Variants in PTPRN2 observed in about 807,000 individuals in gnomAD.
The protein encoded by PTPRN2 is protein tyrosine phosphatase receptor type N2, also known as receptor-type tyrosine-protein phosphatase N2.
PTPRN2 carries 74 observed loss-of-function variants against 118.8 expected under a neutral mutation model. That is an observed-to-expected ratio of 0.62 (90% CI 0.52 to 0.76). The LOEUF is 0.76. Among genes scored for constraint, PTPRN2 ranks in the 30% least tolerant of loss-of-function variants. PTPRN2 has a pLI of 0.00. For missense variants in PTPRN2, 1,481 were observed against 1,394.4 expected (o/e 1.06, Z -0.99); for synonymous variants, 641 against 608.0 (o/e 1.05, Z -0.80).
At chr7:158,562,736 C>T (rs1298614310) in intron 1 of PTPRN2, among the ~76,000 whole-genome samples, 1 of 152,132 alleles carries the variant, frequency 6.6e-6, no homozygotes, top group Admixed American at 6.5e-5. Flanking sequence ...GGCGTGAAGG[C>T]AAAGCTCTTG....
intron 11 of PTPRN2, among the ~76,000 whole-genome samples, chr7:157,963,498 T>C (rs956204678): frequency 1.3e-5 from 2 of 152,278 alleles, no homozygotes; most frequent in African/African-American, 4.8e-5. Context: ...ATCACATAGA[T>C]ACGTGTTACA....
At chr7:158,519,560 T>A (rs1823831483) in intron 1 of PTPRN2, among the ~76,000 whole-genome samples, 1 of 152,016 alleles carries the variant, frequency 6.6e-6, no homozygotes, top group Admixed American at 6.6e-5. Flanking sequence ...TCTCCAGCAC[T>A]CTCTGGCATT....
chr7:158,499,783 GTA>G lies in PTPRN2; in HGVS notation c.113-10000_113-9999del, dbSNP rs1165449046. ...AAGACTCCATCTCAAATATATGTGT[GTA>G]TGTGTGTGTGTGTGTGTGTGTGTAT... is the stretch of plus-strand genomic sequence containing the variant. On this transcript the variant is annotated intron_variant, in intron 1 of 22. Transcript: ENST00000389418. 1.3e-3 allele frequency among the ~76,000 whole-genome samples: 202 copies of G among 149,660 alleles called. 3 individuals are homozygous for G. In the East Asian group the frequency reaches 0.032, roughly 24 times the overall value.
chr7:157,989,119 G>C (rs946580881), intron 11 of PTPRN2, among the ~76,000 whole-genome samples: 1 of 152,202 alleles, frequency 6.6e-6, no homozygotes, highest in Non-Finnish European at 1.5e-5. Context: ...AGGCTGAGTC[G>C]AAAGACCGTG....
intron 2 of PTPRN2, among the ~76,000 whole-genome samples, chr7:158,489,407 G>A (rs1316819379): frequency 6.6e-6 from 1 of 152,230 alleles, no homozygotes; most frequent in Admixed American, 6.5e-5. Context: ...AGATAGCCCC[G>A]CTGCCCTCCA....
At chr7:157,951,306 G>GT (rs886874198) in intron 11 of PTPRN2, among the ~76,000 whole-genome samples, 1 of 151,956 alleles carries the variant, frequency 6.6e-6, no homozygotes, top group East Asian at 1.9e-4. Flanking sequence ...AGATTATTTG[G>GT]TTAAAAAAAA....
rs1229041394 is a variant in PTPRN2, at chr7:157,787,704, G to C, written c.1789-104767C>G. 6.6e-6 allele frequency among the ~76,000 whole-genome samples: 1 copy of C among 152,196 alleles called. No individual in the cohort carries two copies. Among genetic ancestry groups the C allele is most frequent in the Non-Finnish European group, 1.5e-5 (1 of 68,032 alleles). On this transcript the variant is annotated intron_variant, in intron 12 of 22. Coordinates refer to ENST00000389418, the MANE Select transcript of PTPRN2 (RefSeq NM_002847.5). The surrounding 1 kb of genome is among the most constrained non-coding windows in gnomAD (Gnocchi z 5.3). ...CTGTGGGAGACGGGGTGGTGTTTGA[G>C]CTGGTGCCATCTGGGTCCCCTGGGG...
intron 1 of PTPRN2, among the ~76,000 whole-genome samples, chr7:158,530,803 C>T (rs1563402586): frequency 6.6e-6 from 1 of 152,178 alleles, no homozygotes; most frequent in Non-Finnish European, 1.5e-5. Flanking sequence ...CCCACTCCTT[C>T]CTGCTCCTGA....
At chr7:157,996,739 T>A (rs900775539) in intron 11 of PTPRN2, among the ~76,000 whole-genome samples, 1 of 152,202 alleles carries the variant, frequency 6.6e-6, no homozygotes, top group Non-Finnish European at 1.5e-5. Context: ...CTCCTGAAAA[T>A]AATCTGTGCT....
chr7:157,814,107 C>A (rs1278131026), intron 12 of PTPRN2, among the ~76,000 whole-genome samples: 1 of 152,244 alleles, frequency 6.6e-6, no homozygotes, highest in African/African-American at 2.4e-5. Flanking sequence ...GTGCACGGAG[C>A]CCCTGGGGGA....
intron 12 of PTPRN2, among the ~76,000 whole-genome samples, chr7:157,891,824 T>C (rs1413774044): frequency 6.6e-6 from 1 of 152,142 alleles, no homozygotes; most frequent in Non-Finnish European, 1.5e-5. Flanking sequence ...CCAGGGCTCC[T>C]TGAATAACCA....
At position 157,900,668 on chromosome 7, in the gene PTPRN2, C is replaced by T. The variant is rs571265723; in HGVS notation, c.1724-1931G>A. 7.2e-5 allele frequency among the ~76,000 whole-genome samples: 11 copies of T among 152,336 alleles called. 1 individual carries two copies. The highest frequency in any genetic ancestry group is 4.1e-4 in the South Asian group (2 of 4,830). On this transcript the variant is annotated intron_variant, in intron 11 of 22. Transcript: ENST00000389418. ...TCTGAGCTCCTCAGTCTGACGAAAA[C>T]GCAGTCCTCCTCCCAGGAAGCTCAG...
At chr7:157,700,381 C>T (rs759645023) in intron 12 of PTPRN2, among the ~76,000 whole-genome samples, 5 of 152,188 alleles carry the variant, frequency 3.3e-5, no homozygotes, top group Non-Finnish European at 7.3e-5. Context: ...TGTCCAAGCA[C>T]GTTCGCAACA....
chr7:158,332,769 C>T (rs1201504641), intron 2 of PTPRN2, among the ~76,000 whole-genome samples: 1 of 151,920 alleles, frequency 6.6e-6, no homozygotes, highest in Non-Finnish European at 1.5e-5. Flanking sequence ...ACACTCACAC[C>T]CATACTCTCA....
chr7:157,982,641 A>T (rs1413438639), intron 11 of PTPRN2, among the ~76,000 whole-genome samples: 2 of 139,192 alleles, frequency 1.4e-5, no homozygotes, highest in Non-Finnish European at 3.1e-5. Flanking sequence ...AGAGACGAGG[A>T]GGGGGATGCA....
chr7:158,171,314 T>TATATACATACATAC lies in PTPRN2; in HGVS notation c.550-4024_550-4023insGTATGTATGTATAT, dbSNP rs1563555744. On this transcript the variant is annotated intron_variant, in intron 5 of 22. Coordinates refer to ENST00000389418, the MANE Select transcript of PTPRN2 (RefSeq NM_002847.5). ...ACACACATATATATACACACATATA[T>TATATACATACATAC]ATATATATATATATATATATATATA... 5.3e-3 allele frequency among the ~76,000 whole-genome samples: 523 copies of TATATACATACATAC among 98,276 alleles called. 45 individuals carry two copies. The highest frequency in any genetic ancestry group is 8.6e-3 in the African/African-American group (188 of 21,920). 64.5% of individuals were successfully genotyped at this position (98,276 alleles called of 152,430 possible).
chr7:157,821,142 G>T (rs926612659), intron 12 of PTPRN2, among the ~76,000 whole-genome samples: 1 of 152,246 alleles, frequency 6.6e-6, no homozygotes, highest in Non-Finnish European at 1.5e-5. Context: ...ATGCCACTCG[G>T]GTGTACTTTG....
At chr7:157,809,151 C>T (rs755026471) in intron 12 of PTPRN2, among the ~76,000 whole-genome samples, 6 of 152,376 alleles carry the variant, frequency 3.9e-5, no homozygotes, top group East Asian at 1.9e-4. Context: ...AAGAAGGTTT[C>T]GAAAGCTGAG....
chr7:158,543,174 G>A (rs1826087866), intron 1 of PTPRN2, among the ~76,000 whole-genome samples: 1 of 152,218 alleles, frequency 6.6e-6, no homozygotes, highest in African/African-American at 2.4e-5. Flanking sequence ...CAAAACTGAG[G>A]CCCAAAGAAA....
Sources: allele counts gnomAD v4.1 joint callset (sites outside exome capture counted in the v4.1 genomes callset), GRCh38; gene constraint gnomAD v4.1.1; non-coding constraint Gnocchi (gnomAD v3.1); transcripts MANE v1.5; gene names NCBI Gene and HGNC (gene_info 2026-07-23, HGNC 2026-07-21).